COL4A4: variants seen among roughly 807,000 people sequenced by gnomAD.
COL4A4 encodes the protein collagen type IV alpha 4 chain.
A neutral mutation model predicts 192.9 loss-of-function variants in COL4A4; 105 were observed. That is an observed-to-expected ratio of 0.54 (90% CI 0.46 to 0.64). The LOEUF is 0.64. COL4A4 is among the 30% of genes least tolerant of loss of function. The probability of loss-of-function intolerance (pLI) is 0.00; values close to 1 mark genes in which losing one functional copy is unlikely to be tolerated. For synonymous variants in COL4A4, 762 were observed against 769.9 expected (o/e 0.99, Z 0.17); for missense variants, 1,967 against 2,169.3 (o/e 0.91, Z 1.85).
chr2:227,022,612 G>A (rs1966241134), intron 43 of COL4A4: 3 of 516,660 alleles, frequency 5.8e-6, no homozygotes, highest in Non-Finnish European at 1.2e-5. Context: ...ACTCTACACT[G>A]CAGCCACGTG....
chr2:227,140,114 T>G, intron 4 of COL4A4, 47 bp downstream of exon 4: 10 of 1,504,764 alleles, frequency 6.6e-6, no homozygotes, highest in African/African-American at 1.4e-5. Flanking sequence ...ATTCACAAGT[T>G]CTCAAAATTC....
chr2:226,980,757 G>T, the COL4A4 span, among the ~76,000 whole-genome samples: 1 of 152,122 alleles, frequency 6.6e-6, no homozygotes, highest in Non-Finnish European at 1.5e-5. Flanking sequence ...TAAATCTTCA[G>T]TTACCCAAGA....
chr2:227,065,606 C>A (rs1194644345), intron 25 of COL4A4, among the ~76,000 whole-genome samples: 2 of 152,156 alleles, frequency 1.3e-5, no homozygotes, highest in Admixed American at 6.5e-5. Flanking sequence ...GAGGCACCCC[C>A]CAGCAGGGGC....
chr2:227,047,833 A>T (rs939122335), intron 34 of COL4A4, among the ~76,000 whole-genome samples: 2 of 151,924 alleles, frequency 1.3e-5, no homozygotes, highest in African/African-American at 4.8e-5. Flanking sequence ...GTCCTGAAAA[A>T]ATTTTCAACT....
intron 8 of COL4A4, among the ~76,000 whole-genome samples, chr2:227,112,086 T>C (rs1242995565): frequency 6.6e-6 from 1 of 152,114 alleles, no homozygotes; most frequent in Non-Finnish European, 1.5e-5. Flanking sequence ...TTGACTACCC[T>C]AGAGTGGACA....
At chr2:227,056,198 A>T in intron 29 of COL4A4, 83 bp from the exon 30 acceptor site, 1 of 1,199,412 alleles carries the variant, frequency 8.3e-7, no homozygotes, top group South Asian at 1.2e-5. Context: ...AGTAGCTTAA[A>T]CAATGCGTTA....
intron 17 of COL4A4, among the ~76,000 whole-genome samples, chr2:227,100,479 T>C (rs1458390717): frequency 6.6e-6 from 1 of 152,020 alleles, no homozygotes; most frequent in Non-Finnish European, 1.5e-5. Context: ...AATAAAACAA[T>C]AGAATATGAC....
In COL4A4 at chr2:227,144,369, A is replaced by C. The variant is rs534472658; in HGVS notation, c.114+147T>G. ...AGTCTTGACTATACAATATAAAAGA[A>C]ATCTTAGAGTTTATTTAGTCCTATT... On this transcript the variant is annotated intron_variant, in intron 3 of 47. Transcript: ENST00000396625. The C allele has an allele frequency of 1.0e-4, 68 of 680,718 alleles. No homozygotes were observed. In the African/African-American group the frequency reaches 1.2e-3, roughly 12 times the overall value. 42.2% of individuals were successfully genotyped at this position (680,718 alleles called of 1,614,324 possible).
chr2:227,103,140 C>T lies in COL4A4; in HGVS notation c.870+4G>A, dbSNP rs749848665. The stretch of plus-strand genomic sequence containing the variant: ...AAAAAAAAAAAGGTACTTAAATAAA[C>T]TACCTTGCGTCCTGGTGGTCCTGGC... On this transcript the variant is annotated splice_donor_region_variant and intron_variant, in intron 14 of 47. Transcript: ENST00000396625. 7 of 1,603,562 alleles carry T rather than the reference C, an allele frequency of 4.4e-6. No individual in the cohort carries two copies. In the East Asian group the frequency reaches 1.6e-4, roughly 36 times the overall value.
At chr2:226,995,338 C>A in the COL4A4 span, 7 of 758,278 alleles carry the variant, frequency 9.2e-6, no homozygotes, top group Non-Finnish European at 1.4e-5. Flanking sequence ...GAAGATGACA[C>A]CCAAGCTATC....
chr2:227,103,481 G>A (rs182808920), intron 13 of COL4A4, among the ~76,000 whole-genome samples: 72 of 152,280 alleles, frequency 4.7e-4, no homozygotes, highest in Admixed American at 1.8e-3. Context: ...TTTGAGCAAA[G>A]TAAAGAAATT....
intron 32 of COL4A4, among the ~76,000 whole-genome samples, chr2:227,051,762 C>T (rs1974150350): frequency 6.6e-6 from 1 of 152,124 alleles, no homozygotes; most frequent in African/African-American, 2.4e-5. Flanking sequence ...AACCTGAAAC[C>T]AGTATTTTAT....
intron 1 of COL4A4, among the ~76,000 whole-genome samples, chr2:227,162,043 GGTGA>G (rs1217709174): frequency 6.6e-6 from 1 of 152,162 alleles, no homozygotes; most frequent in Non-Finnish European, 1.5e-5. Context: ...AGGTGGGTAT[GGTGA>G]GTATGTCTAT....
chr2:227,038,923 T>G (rs1289010415), intron 37 of COL4A4, among the ~76,000 whole-genome samples: 1 of 152,200 alleles, frequency 6.6e-6, no homozygotes, highest in East Asian at 1.9e-4. Flanking sequence ...CTGTTTTGTT[T>G]TGTGTTGTGG....
At chr2:227,137,782 G>A (rs550526753) in intron 4 of COL4A4, among the ~76,000 whole-genome samples, 1 of 152,226 alleles carries the variant, frequency 6.6e-6, no homozygotes, top group South Asian at 2.1e-4. Context: ...TTGCCACAGG[G>A]CTGATCAAAT....
intron 46 of COL4A4, among the ~76,000 whole-genome samples, chr2:227,009,432 G>A (rs947245349): frequency 3.3e-5 from 5 of 152,138 alleles, no homozygotes; most frequent in Non-Finnish European, 5.9e-5. Context: ...GGCTGGGCAC[G>A]GTGGCTCACA....
chr2:227,084,599 T>C (rs1185982195), intron 22 of COL4A4, among the ~76,000 whole-genome samples: 1 of 152,194 alleles, frequency 6.6e-6, no homozygotes, highest in East Asian at 1.9e-4. Context: ...GTTTAGTAAA[T>C]GTTACTAAAC....
At chr2:227,085,925 T>G (rs934070820) in intron 22 of COL4A4, among the ~76,000 whole-genome samples, 1 of 152,246 alleles carries the variant, frequency 6.6e-6, no homozygotes, top group Admixed American at 6.5e-5. Context: ...TTCACTGGTA[T>G]GTACCTTATA....
At position 227,091,443 on chromosome 2, in the gene COL4A4, T is replaced by C. The variant is rs528983155; in HGVS notation, c.1370-1486A>G. 2.6e-4 allele frequency among the ~76,000 whole-genome samples: 36 copies of C among 139,460 alleles called. 1 individual carries two copies. Among genetic ancestry groups the C allele is most frequent in the South Asian group, 2.3e-3 (10 of 4,408 alleles). 91.5% of individuals were successfully genotyped at this position (139,460 alleles called of 152,430 possible). ...AGGTTAAAAAAAAAAAAAAAAGACA[T>C]GTAGGATTGATTTTCTGACAGATAG... is the stretch of plus-strand genomic sequence containing the variant. On this transcript the variant is annotated intron_variant, in intron 20 of 47. Coordinates refer to ENST00000396625, the MANE Select transcript of COL4A4 (RefSeq NM_000092.5).
Sources: gnomAD v4.1 joint callset for allele counts (sites outside exome capture counted in the v4.1 genomes callset) on GRCh38, gnomAD v4.1.1 for gene constraint, MANE v1.5 for transcripts, NCBI Gene and HGNC (gene_info 2026-07-23, HGNC 2026-07-21) for gene names.